The following CFAP92 variants were observed in gnomAD, a reference collection of about 807,000 sequenced individuals.
CFAP92 encodes uncharacterized protein CFAP92.
In CFAP92, 86 loss-of-function variants were observed where a neutral mutation model predicts 106.3. The ratio of observed to expected loss-of-function variants is 0.81; its 90% confidence interval spans 0.68 to 0.97. The LOEUF (loss-of-function observed/expected upper bound fraction) is 0.97, where lower values mean the gene tolerates loss of function less well. Ranked by LOEUF, CFAP92 falls within the 50% of genes least tolerant of loss-of-function variation. The pLI, the probability that CFAP92 is intolerant of heterozygous loss-of-function variation, is 0.00. For missense variants in CFAP92, 1,204 were observed against 1,283.8 expected, an observed-to-expected ratio of 0.94 and a Z score of 0.95; for synonymous variants, 477 against 506.4, an observed-to-expected ratio of 0.94 and a Z score of 0.78.
chr3:128,994,671 G>A (rs1332068492), upstream of CFAP92, among the ~76,000 whole-genome samples: 4 of 152,214 alleles, frequency 2.6e-5, no homozygotes, highest in Non-Finnish European at 4.4e-5. Flanking sequence ...CAAGTAGGGC[G>A]CAGCACTGTG....
chr3:128,981,385 C>T lies in CFAP92; in HGVS notation c.668-3200G>A, dbSNP rs572040613. On this transcript the variant is annotated intron_variant, in intron 4 of 15. Coordinates refer to ENST00000645291, the MANE Select transcript of CFAP92 (RefSeq NM_001394090.1). ...TTGCTCTGTCACCCAGGCTGGAGTG[C>T]AATGGCACAATTTCGGCTCACTGCA... 4.7e-5 allele frequency among the ~76,000 whole-genome samples: 7 copies of T among 150,362 alleles called. No individual in the cohort carries two copies. The South Asian group carries it at 1.5e-3, about 32-fold the overall frequency.
chr3:128,915,039 A>G (rs1239269371), intron 15 of CFAP92, 80 bp downstream of exon 15: 3 of 1,387,920 alleles, frequency 2.2e-6, no homozygotes, highest in Non-Finnish European at 1.9e-6. Context: ...AATGGATACC[A>G]CTGAAGATGC....
At chr3:128,977,351 T>C (rs903723124) in intron 5 of CFAP92, among the ~76,000 whole-genome samples, 2 of 152,056 alleles carry the variant, frequency 1.3e-5, no homozygotes, top group Non-Finnish European at 2.9e-5. Context: ...TCAGTCCTGT[T>C]TACATTAGAG....
chr3:128,991,545 G>T, intron 2 of CFAP92: 1 of 157,342 alleles, frequency 6.4e-6, no homozygotes, highest in Non-Finnish European at 1.4e-5. Context: ...ACCTACCCTG[G>T]CCGGAAGACA....
chr3:128,912,571 C>G, intron 15 of CFAP92: 1 of 1,614,164 alleles, frequency 6.2e-7, no homozygotes, highest in South Asian at 1.1e-5. Context: ...AGAAGCGAGC[C>G]TATATCTGTG....
intron 1 of CFAP92, chr3:129,002,526 C>A: frequency 9.5e-7 from 1 of 1,049,888 alleles, no homozygotes; most frequent in Non-Finnish European, 1.3e-6. Flanking sequence ...CCTATTCTTA[C>A]CACCTATTCC....
chr3:128,977,430 T>A (rs1170910555), intron 5 of CFAP92, among the ~76,000 whole-genome samples: 1 of 152,236 alleles, frequency 6.6e-6, no homozygotes, highest in East Asian at 1.9e-4. Context: ...GCCCAGCAGA[T>A]GAAATACTAC....
chr3:129,015,065 G>A, the CFAP92 span, among the ~76,000 whole-genome samples: 5 of 152,144 alleles, frequency 3.3e-5, no homozygotes, highest in Non-Finnish European at 7.3e-5. Flanking sequence ...CACAGCATCA[G>A]GTTAATCTTT....
the CFAP92 span, among the ~76,000 whole-genome samples, chr3:129,022,510 C>G: frequency 1.3e-5 from 2 of 152,142 alleles, no homozygotes; most frequent in Non-Finnish European, 2.9e-5. Context: ...TTGTATAAGC[C>G]CCTGGGCTGG....
chr3:128,988,975 G>A (rs1944038837), intron 2 of CFAP92, 57 bp from the exon 3 acceptor site: 8 of 1,326,718 alleles, frequency 6.0e-6, no homozygotes, highest in African/African-American at 2.9e-5. Flanking sequence ...AAGCAGACCC[G>A]TCTCCCCAGT....
At chr3:128,951,547 G>T (rs1940806788) in intron 9 of CFAP92, among the ~76,000 whole-genome samples, 1 of 152,138 alleles carries the variant, frequency 6.6e-6, no homozygotes, top group South Asian at 2.1e-4. Flanking sequence ...TACAGAAAAG[G>T]TGTTTAGGGA....
chr3:128,940,889 AG>A (rs1467944684), intron 10 of CFAP92, among the ~76,000 whole-genome samples: 9 of 152,164 alleles, frequency 5.9e-5, no homozygotes, highest in African/African-American at 2.2e-4. Context: ...GAAAAAAAAA[AG>A]TATGAACCTT....
intron 9 of CFAP92, among the ~76,000 whole-genome samples, chr3:128,963,880 G>T (rs975482141): frequency 2.6e-5 from 4 of 151,052 alleles, no homozygotes. Context: ...CATCAAGCTC[G>T]AGGATTTGCC....
In CFAP92 at chr3:128,972,467, C is replaced by G. The variant is rs143454245; in HGVS notation, c.1022-1034G>C. Among the ~76,000 whole-genome samples the G allele has an allele frequency of 1.3e-3, 205 of 152,104 alleles. 5 individuals carry two copies. In the East Asian group the frequency reaches 0.039, roughly 29 times the overall value. On this transcript the variant is annotated intron_variant, in intron 7 of 15. Coordinates refer to ENST00000645291, the MANE Select transcript of CFAP92 (RefSeq NM_001394090.1). ...ATGTTGGCCAGGCTGGTCTCGAACT[C>G]CTGACCTCAGGTGATCCATCTGCCT...
At chr3:129,015,806 CTGT>C in the CFAP92 span, among the ~76,000 whole-genome samples, 7 of 148,428 alleles carry the variant, frequency 4.7e-5, no homozygotes, top group African/African-American at 1.7e-4. Flanking sequence ...GTTCTTCCTG[CTGT>C]TGTTCTCTTG....
chr3:128,950,783 A>G (rs1046091252), intron 9 of CFAP92, among the ~76,000 whole-genome samples: 4 of 152,298 alleles, frequency 2.6e-5, no homozygotes, highest in Admixed American at 2.6e-4. Flanking sequence ...GCTTTTGCTG[A>G]GGCCTGGTCA....
intron 9 of CFAP92, among the ~76,000 whole-genome samples, chr3:128,952,298 T>TAAAAAAA (rs71666021): frequency 6.7e-6 from 1 of 150,338 alleles, no homozygotes; most frequent in Non-Finnish European, 1.5e-5. Context: ...TCTAGCTAAT[T>TAAAAAAA]AAAATAAAAA....
At position 128,926,478 on chromosome 3, in the gene CFAP92, G is replaced by A. The variant is rs141061438; in HGVS notation, c.2751+6222C>T. On this transcript the variant is annotated intron_variant, in intron 12 of 15. Coordinates refer to ENST00000645291, the MANE Select transcript of CFAP92 (RefSeq NM_001394090.1). The stretch of plus-strand genomic sequence containing the variant: ...TGCAGTGAGCTGAGATCACACCACT[G>A]CATTCAGGCTTGGGGAGAAAGCCTG... 4.6e-5 allele frequency among the ~76,000 whole-genome samples: 7 copies of A among 152,304 alleles called. No homozygotes were observed. The East Asian group carries it at 1.4e-3, about 29-fold the overall frequency.
intron 1 of CFAP92, chr3:128,993,686 G>A: frequency 3.0e-6 from 1 of 331,162 alleles, no homozygotes; most frequent in Admixed American, 4.2e-5. Flanking sequence ...TGCTCAGGCA[G>A]GCCTGCTGCG....
Sources: allele counts gnomAD v4.1 joint callset (sites outside exome capture counted in the v4.1 genomes callset), GRCh38; gene constraint gnomAD v4.1.1; transcripts MANE v1.5; gene names NCBI Gene and HGNC (gene_info 2026-07-23, HGNC 2026-07-21).